Variants in VCAN observed in about 807,000 individuals in gnomAD.
The protein encoded by VCAN is versican, also known as versican core protein.
In VCAN, 44 loss-of-function variants were observed where a neutral mutation model predicts 245.5. The ratio of observed to expected loss-of-function variants is 0.18; its 90% CI spans 0.14 to 0.23. VCAN has a LOEUF of 0.23. Ranked by LOEUF, VCAN falls within the 10% of genes least tolerant of loss-of-function variation. VCAN has a pLI of 1.00. For synonymous variants in VCAN, 1,413 were observed against 1,437.0 expected, an observed-to-expected ratio of 0.98 and a Z score of 0.38; for missense variants, 3,793 against 4,057.9, an observed-to-expected ratio of 0.93 and a Z score of 1.77.
At chr5:83,481,244 CTTT>C (rs202012593) in intron 1 of VCAN, among the ~76,000 whole-genome samples, 5 of 132,506 alleles carry the variant, frequency 3.8e-5, no homozygotes, top group Admixed American at 7.6e-5. Flanking sequence ...TCTTTAATTT[CTTT>C]TTTTTTTTTT....
At chr5:83,514,452 A>ATT (rs1274338760) in intron 6 of VCAN, among the ~76,000 whole-genome samples, 9 of 83,760 alleles carry the variant, frequency 1.1e-4, no homozygotes, top group African/African-American at 2.5e-4. Flanking sequence ...GTGTGTGTGT[A>ATT]TTTTTTTTTT....
Position 83,541,779 on chromosome 5 carries a change from A to G in VCAN, c.8776A>G (p.Thr2926Ala). ...SPTELIAVEG[T>A]EILQDFQNKT... Reference sequence around the variant, plus strand: ...CACAGAACTTATTGCTGTGGAAGGAACTGAGATTCTCCAAGATTTCCAAAA... The same window carrying G: ...CACAGAACTTATTGCTGTGGAAGGAGCTGAGATTCTCCAAGATTTCCAAAA... Residue 2926 changes from threonine to alanine, a missense_variant, in exon 8 of 15, where the codon ACT (threonine) becomes GCT (alanine). By Grantham distance (58) the Thr-to-Ala change is moderately conservative. Coordinates refer to ENST00000265077, the MANE Select transcript of VCAN (RefSeq NM_004385.5). 1 of 1,614,098 alleles carries G rather than the reference A, an allele frequency of 6.2e-7. No homozygotes were observed. The highest frequency in any genetic ancestry group is 8.5e-7 in the Non-Finnish European group (1 of 1,179,980).
In VCAN at chr5:83,537,844, C is replaced by T. The variant is rs778287858; in HGVS notation, c.4841C>T (p.Ser1614Phe). ...AATCCTTGGCCAGATGACCTGTTGT[C>T]TACCAAAGAAAGCTGGGTAGAAGCA... is the stretch of plus-strand genomic sequence containing the variant. Reference protein sequence around the residue: ...IGNPWPDDLLSTKESWVEATP... With the variant: ...IGNPWPDDLLFTKESWVEATP... Residue 1614 changes from serine to phenylalanine, a missense_variant, in exon 8 of 15, where the codon TCT (serine) becomes TTT (phenylalanine). This residue lies in a region of VCAN where 3,182 missense variants were observed against 3,250.3 expected (regional missense o/e 0.98). Coordinates refer to ENST00000265077, the MANE Select transcript of VCAN (RefSeq NM_004385.5). 6.2e-7 allele frequency: 1 copy of T among 1,614,006 alleles called. No homozygotes were observed. The highest frequency in any genetic ancestry group is 8.5e-7 in the Non-Finnish European group (1 of 1,179,954).
Position 83,540,263 on chromosome 5 carries a change from A to G in VCAN, c.7260A>G (p.Lys2420=). 1.2e-6 allele frequency: 2 copies of G among 1,614,086 alleles called. No individual in the cohort carries two copies. The highest frequency in any genetic ancestry group is 1.7e-6 in the Non-Finnish European group (2 of 1,179,998). The change falls in exon 8 of 15, where the codon AAA becomes AAG. Residue 2420 remains lysine (K), a synonymous_variant. Transcript: ENST00000265077. The part of the protein sequence containing the change: ...MAKEFVTSAP[K]PSDLYYEPSG... ...AAGAATTTGTTACATCAGCACCAAA[A>G]CCATCTGACTTGTATTATGAACCTT...
Position 83,520,754 on chromosome 5 carries a change from G to A in VCAN, c.2448G>A (p.Glu816=), listed in dbSNP as rs371816928. ...DEDNTTSKPL[E]STEPSASSKL... is the part of the protein sequence containing the mutation. ...ATAATACAACATCCAAGCCTTTAGA[G>A]TCTACAGAACCTTCAGCCTCTTCAA... The change falls in exon 7 of 15, where the codon GAG becomes GAA. Residue 816 remains glutamate, a synonymous_variant. Coordinates refer to ENST00000265077, the MANE Select transcript of VCAN (RefSeq NM_004385.5). The A allele has an allele frequency of 1.1e-5, 17 of 1,614,022 alleles. No homozygotes were observed. The African/African-American group carries it at 2.0e-4, about 19-fold the overall frequency.
In VCAN at chr5:83,540,549, A is replaced by G. The variant is rs746235751; in HGVS notation, c.7546A>G (p.Thr2516Ala). 4.3e-6 allele frequency: 7 copies of G among 1,613,914 alleles called. No homozygotes were observed. The African/African-American group carries it at 9.3e-5, about 22-fold the overall frequency. ...AAATACAGTGTCATATGAGAGGTCCACAGACGGTAGTTTCCAAGACCGTTT... is the reference window on the plus strand; with the variant it reads ...AAATACAGTGTCATATGAGAGGTCCGCAGACGGTAGTTTCCAAGACCGTTT... Reference protein sequence around the residue: ...LSNTVSYERSTDGSFQDRFRE... With the variant: ...LSNTVSYERSADGSFQDRFRE... The change falls in exon 8 of 15, where the codon ACA becomes GCA. Residue 2516 changes from threonine to alanine, a missense_variant. Physicochemically the swap from Thr to Ala is moderately conservative, Grantham distance 58 (BLOSUM62 0). Transcript: ENST00000265077.
chr5:83,511,570 ATT>A (rs768877661), intron 5 of VCAN, among the ~76,000 whole-genome samples: 1 of 141,810 alleles, frequency 7.1e-6, no homozygotes. Context: ...AGGTTTTCTT[ATT>A]TTTTTTTTTT....
intron 5 of VCAN, among the ~76,000 whole-genome samples, chr5:83,503,664 T>A (rs1745399588): frequency 6.6e-6 from 1 of 152,226 alleles, no homozygotes; most frequent in Non-Finnish European, 1.5e-5. Context: ...CATAATCATG[T>A]ATCACATCAC....
At chr5:83,474,477 TC>T (rs1744310812) in intron 1 of VCAN, among the ~76,000 whole-genome samples, 1 of 152,060 alleles carries the variant, frequency 6.6e-6, no homozygotes, top group Non-Finnish European at 1.5e-5. Context: ...GCGGAGGTGG[TC>T]CAGCCCCGCC....
intron 8 of VCAN, among the ~76,000 whole-genome samples, chr5:83,545,249 C>A (rs974031257): frequency 1.3e-5 from 2 of 152,118 alleles, no homozygotes; most frequent in Non-Finnish European, 2.9e-5. Context: ...ATCATGCCAA[C>A]TAAATCTGCA....
chr5:83,568,818 A>G (rs1216713260), intron 12 of VCAN, among the ~76,000 whole-genome samples: 1 of 152,184 alleles, frequency 6.6e-6, no homozygotes, highest in Non-Finnish European at 1.5e-5. Context: ...ATAAAATATT[A>G]TCTCAGTCTC....
At chr5:83,491,051 G>A (rs890506986) in intron 3 of VCAN, among the ~76,000 whole-genome samples, 6 of 152,064 alleles carry the variant, frequency 3.9e-5, no homozygotes, top group Non-Finnish European at 2.9e-5. Flanking sequence ...ATTTGAATTC[G>A]ATCAAACAGA....
At chr5:83,481,877 A>G (rs1744625925) in intron 1 of VCAN, among the ~76,000 whole-genome samples, 1 of 152,172 alleles carries the variant, frequency 6.6e-6, no homozygotes, top group African/African-American at 2.4e-5. Context: ...AGCCCTATTT[A>G]TGTTCAAGAT....
intron 6 of VCAN, among the ~76,000 whole-genome samples, chr5:83,515,232 T>G (rs1305497403): frequency 2.0e-5 from 3 of 152,226 alleles, no homozygotes; most frequent in Non-Finnish European, 4.4e-5. Context: ...ACTTCAGAAT[T>G]TAGCAAGTTC....
chr5:83,553,225 C>T (rs1422811328), intron 10 of VCAN, 139 bp from the exon 11 acceptor site: 28 of 1,138,252 alleles, frequency 2.5e-5, no homozygotes, highest in East Asian at 1.0e-4. Flanking sequence ...TCTTTGTCAT[C>T]GTGACCAAAT....
At chr5:83,562,173 T>C (rs890098827) in intron 12 of VCAN, 1 of 152,152 alleles carries the variant, frequency 6.6e-6, no homozygotes, top group Non-Finnish European at 1.5e-5. Flanking sequence ...ATGTTAAACT[T>C]CACAGGCTTT....
At chr5:83,560,644 C>G (rs1208941151) in intron 12 of VCAN, among the ~76,000 whole-genome samples, 1 of 152,076 alleles carries the variant, frequency 6.6e-6, no homozygotes, top group African/African-American at 2.4e-5. Context: ...ATGGGACAGC[C>G]CAATTAAGGA....
chr5:83,524,912 A>G (rs986581214), intron 7 of VCAN, among the ~76,000 whole-genome samples: 2 of 152,140 alleles, frequency 1.3e-5, no homozygotes, highest in Non-Finnish European at 2.9e-5. Flanking sequence ...GTGAACTTGT[A>G]TAAATCTATT....
rs770045298 is a variant in VCAN at position 83,490,137 on chromosome 5, C to A, written c.110C>A (p.Ser37Tyr). The A allele has an allele frequency of 6.2e-7, 1 of 1,614,158 alleles. No homozygotes were observed. Among genetic ancestry groups the A allele is most frequent in the South Asian group, 1.1e-5 (1 of 91,084 alleles). ...AGCCCACCGGTGAGGGGCTCCCTCT[C>A]TGGAAAAGTCAGCCTACCTTGTCAT... is the stretch of plus-strand genomic sequence containing the variant. Reference protein sequence around the residue: ...GKSPPVRGSLSGKVSLPCHFS... With the variant: ...GKSPPVRGSLYGKVSLPCHFS... The change falls in exon 3 of 15, where the codon TCT (serine) becomes TAT (tyrosine). Residue 37 changes from serine to tyrosine, a missense_variant. Ser to Tyr is a moderately radical substitution (Grantham distance 144). Coordinates refer to ENST00000265077, the MANE Select transcript of VCAN (RefSeq NM_004385.5).
Sources: gnomAD v4.1 joint callset for allele counts (sites outside exome capture counted in the v4.1 genomes callset) on GRCh38, gnomAD v4.1.1 for gene constraint, gnomAD v4.1.1 regional missense constraint, MANE v1.5 for transcripts, NCBI Gene and HGNC (gene_info 2026-07-23, HGNC 2026-07-21) for gene names.